The following THADA variants were observed in gnomAD, a reference collection of about 807,000 sequenced individuals.
THADA encodes tRNA (32-2'-O)-methyltransferase regulator THADA.
THADA carries 213 observed loss-of-function variants against 219.8 expected under a neutral mutation model. The observed-to-expected ratio is 0.97, with a 90% CI of 0.87 to 1.09. The LOEUF is 1.09. Ranked by LOEUF, THADA falls within the 50% of genes least tolerant of loss-of-function variation. The pLI is 0.00. For missense variants in THADA, 2,956 were observed against 2,311.3 expected, an observed-to-expected ratio of 1.28 and a Z score of -5.72; for synonymous variants, 1,018 against 828.9, an observed-to-expected ratio of 1.23 and a Z score of -3.92.
At chr2:43,339,009 G>A (rs1053928196) in intron 30 of THADA, among the ~76,000 whole-genome samples, 1 of 151,830 alleles carries the variant, frequency 6.6e-6, no homozygotes, top group African/African-American at 2.4e-5. Flanking sequence ...AAAAAAGGAA[G>A]GAAGCTATAA....
chr2:43,427,942 C>A (rs1289284671), intron 28 of THADA, among the ~76,000 whole-genome samples, 158 bp downstream of exon 28: 2 of 148,630 alleles, frequency 1.3e-5, no homozygotes, highest in Admixed American at 6.7e-5. Flanking sequence ...GGCGACAGAG[C>A]GAGACTCCGT....
rs1276465521 is a variant in THADA at position 43,312,890 on chromosome 2, A to G, written c.4438+7556T>C. On this transcript the variant is annotated intron_variant, in intron 31 of 37. Coordinates refer to ENST00000405975, the MANE Select transcript of THADA (RefSeq NM_022065.5). ...AAACACATCTGCATCCAACACTGAT[A>G]AAGTGCATGACCGAGGAACAGATAA... Among the ~76,000 whole-genome samples, 3 of 152,336 alleles carry G rather than the reference A, an allele frequency of 2.0e-5. 1 individual carries two copies. The highest frequency in any genetic ancestry group is 7.2e-5 in the African/African-American group (3 of 41,588).
At chr2:43,513,538 A>T (rs180788000) in intron 22 of THADA, among the ~76,000 whole-genome samples, 710 of 152,328 alleles carry the variant, frequency 4.7e-3, no homozygotes, top group Admixed American at 8.9e-3. Context: ...CTGTAGCAGT[A>T]GGAAAAGCCA....
chr2:43,342,213 C>T (rs1667140710), intron 30 of THADA, among the ~76,000 whole-genome samples: 1 of 151,956 alleles, frequency 6.6e-6, no homozygotes, highest in African/African-American at 2.4e-5. Flanking sequence ...ATGACCCTGT[C>T]TAAAAAAAGG....
chr2:43,514,597 ATTTT>A (rs1690965972), intron 22 of THADA, among the ~76,000 whole-genome samples: 1 of 99,128 alleles, frequency 1.0e-5, no homozygotes, highest in African/African-American at 4.5e-5. Context: ...ATATATGTAT[ATTTT>A]ATATATATTT....
intron 14 of THADA, among the ~76,000 whole-genome samples, chr2:43,568,894 T>C (rs577795432): frequency 1.3e-5 from 2 of 152,164 alleles, no homozygotes; most frequent in East Asian, 3.9e-4. Context: ...AATTAATTAA[T>C]TAAAAAAAAT....
chr2:43,357,589 C>T (rs570836901), intron 29 of THADA, among the ~76,000 whole-genome samples: 4 of 149,534 alleles, frequency 2.7e-5, no homozygotes, highest in Non-Finnish European at 6.0e-5. Flanking sequence ...TTCAGCAGCA[C>T]TGGTTGTATG....
chr2:43,445,755 C>T (rs1227248630), intron 26 of THADA, among the ~76,000 whole-genome samples: 1 of 152,206 alleles, frequency 6.6e-6, no homozygotes, highest in Non-Finnish European at 1.5e-5. Context: ...CTCACTGCAG[C>T]CTCAAACTCC....
At chr2:43,531,278 AAAGAGGGTAATTAACATGAG>A (rs945584117) in intron 21 of THADA, among the ~76,000 whole-genome samples, 1 of 152,218 alleles carries the variant, frequency 6.6e-6, no homozygotes, top group Non-Finnish European at 1.5e-5. Context: ...GACCAAAATG[AAAGAGGGTAATTAACATGAG>A]AAGAGGCTGG....
intron 36 of THADA, among the ~76,000 whole-genome samples, chr2:43,259,059 T>TA (rs140339610): frequency 7.2e-5 from 11 of 152,034 alleles, no homozygotes; most frequent in South Asian, 6.2e-4. Context: ...TCTATGGTGT[T>TA]AAAAAAAATC....
chr2:43,457,245 A>G (rs1376880804), intron 26 of THADA, among the ~76,000 whole-genome samples: 3 of 150,298 alleles, frequency 2.0e-5, no homozygotes, highest in African/African-American at 7.4e-5. Flanking sequence ...TGCTACTCTC[A>G]CTCTCCTACT....
chr2:43,398,362 T>A (rs187999792), intron 28 of THADA, among the ~76,000 whole-genome samples: 1 of 152,166 alleles, frequency 6.6e-6, no homozygotes, highest in Non-Finnish European at 1.5e-5. Flanking sequence ...ATCATGGAGA[T>A]TAAATGTAGA....
intron 25 of THADA, among the ~76,000 whole-genome samples, chr2:43,485,609 T>C (rs886395058): frequency 6.6e-6 from 1 of 152,196 alleles, no homozygotes; most frequent in Non-Finnish European, 1.5e-5. Flanking sequence ...ACTTAGAGCA[T>C]CAAATAACAC....
chr2:43,415,824 C>G (rs566392911), intron 28 of THADA, among the ~76,000 whole-genome samples: 1 of 152,252 alleles, frequency 6.6e-6, no homozygotes, highest in East Asian at 1.9e-4. Context: ...TCTATCAGGA[C>G]ATGGCATTCT....
At chr2:43,248,209 A>AGAGG (rs1558464755) in intron 36 of THADA, among the ~76,000 whole-genome samples, 40 of 128,982 alleles carry the variant, frequency 3.1e-4, no homozygotes, top group South Asian at 8.5e-4. Flanking sequence ...AGAGAGAGAG[A>AGAGG]GAGAGACAGA....
At chr2:43,508,536 G>T (rs1689987873) in intron 23 of THADA, 112 bp downstream of exon 23, 2 of 1,074,040 alleles carry the variant, frequency 1.9e-6, no homozygotes, top group Admixed American at 6.0e-5. Flanking sequence ...GTGCTGAAAA[G>T]ACAGAAATGT....
chr2:43,586,630 TAA>T (rs1207154977), intron 6 of THADA, 70 bp downstream of exon 6: 2 of 1,513,198 alleles, frequency 1.3e-6, no homozygotes, highest in African/African-American at 2.8e-5. Context: ...CCAAGAAACT[TAA>T]AAGAGCCAGT....
chr2:43,417,307 A>T (rs1286742197), intron 28 of THADA, among the ~76,000 whole-genome samples: 1 of 152,118 alleles, frequency 6.6e-6, no homozygotes, highest in Non-Finnish European at 1.5e-5. Context: ...GCCCACAAAT[A>T]ATCTCATTAA....
At chr2:43,400,484 T>TATATATATATAC (rs1553427596) in intron 28 of THADA, among the ~76,000 whole-genome samples, 1 of 145,928 alleles carries the variant, frequency 6.9e-6, no homozygotes, top group Non-Finnish European at 1.5e-5. Context: ...TATAAATATA[T>TATATATATATAC]ACACTAAGAA....
Sources: gnomAD v4.1 joint callset for allele counts (sites outside exome capture counted in the v4.1 genomes callset) on GRCh38, gnomAD v4.1.1 for gene constraint, MANE v1.5 for transcripts, NCBI Gene and HGNC (gene_info 2026-07-23, HGNC 2026-07-21) for gene names.